The following RNF157 variants were observed in gnomAD, a reference collection of about 807,000 sequenced individuals.
RNF157 encodes E3 ubiquitin ligase RNF157.
RNF157 carries 55 observed loss-of-function variants against 88.3 expected under a neutral mutation model. That is an observed-to-expected ratio of 0.62 (90% CI 0.50 to 0.78). The LOEUF is 0.78. Among genes scored for constraint, RNF157 ranks in the 30% least tolerant of loss-of-function variants. RNF157 has a pLI of 0.00. For missense variants in RNF157, 788 were observed against 860.8 expected (o/e 0.92, Z 1.06); for synonymous variants, 334 against 341.2 (o/e 0.98, Z 0.23).
chr17:76,164,750 C>T lies in RNF157; in HGVS notation c.718G>A (p.Val240Ile), dbSNP rs2068896553. The stretch of plus-strand genomic sequence containing the variant: ...GTCTGTGGTCTTCAAATACTTACTA[C>T]TTGTTTCTGTTTGAGGGGCTTGACA... ...FCVKPLKQKQ[V>I]VDGVSYLLQE... The change falls in exon 8 of 19, where the codon GTA becomes ATA. Residue 240 changes from valine to isoleucine, a missense_variant and splice_region_variant. By Grantham distance (29) the Val-to-Ile change is conservative. Transcript: ENST00000269391. 2 of 1,603,466 alleles carry T rather than the reference C, an allele frequency of 1.2e-6. No individual in the cohort carries two copies. Among genetic ancestry groups the T allele is most frequent in the Non-Finnish European group, 1.7e-6 (2 of 1,170,678 alleles).
intron 1 of RNF157, among the ~76,000 whole-genome samples, chr17:76,217,700 C>T (rs528281978): frequency 3.3e-5 from 5 of 152,306 alleles, no homozygotes; most frequent in South Asian, 2.1e-4. Flanking sequence ...AGGAGAAACA[C>T]GTCACTCACA....
intron 16 of RNF157, chr17:76,154,729 A>C (rs1027492617): frequency 1.3e-5 from 3 of 225,624 alleles, no homozygotes; most frequent in East Asian, 1.2e-4. Context: ...GAGTTGGCTC[A>C]AGAAGAGTTC....
rs562783779 is a variant in RNF157 at position 76,227,333 on chromosome 17, C to A, written c.88+12820G>T. Among the ~76,000 whole-genome samples, 7 of 151,480 alleles carry A rather than the reference C, an allele frequency of 4.6e-5. No individual in the cohort carries two copies. The East Asian group carries it at 1.4e-3, about 30-fold the overall frequency. ...ACAGGGTTTTACCATGTTGGCCAGGCTGGTCTTGAACTCCTGACCTCAGGT... is the reference window on the plus strand; with the variant it reads ...ACAGGGTTTTACCATGTTGGCCAGGATGGTCTTGAACTCCTGACCTCAGGT... On this transcript the variant is annotated intron_variant, in intron 1 of 18. Transcript: ENST00000269391.
Position 76,167,784 on chromosome 17 carries a change from C to T in RNF157, c.310G>A (p.Val104Met), listed in dbSNP as rs773387468. ...TLRLVKCAEE[V>M]KSPGEEASKA... ...CTGGCCTCTTCTCCAGGGCTCTTCACTTCCTCAGCACATCTAGAAAACCAG... is the reference window on the plus strand; with the variant it reads ...CTGGCCTCTTCTCCAGGGCTCTTCATTTCCTCAGCACATCTAGAAAACCAG... Residue 104 changes from valine (V) to methionine (M), a missense_variant, in exon 4 of 19, where the codon GTG (valine) becomes ATG (methionine). Coordinates refer to ENST00000269391, the MANE Select transcript of RNF157 (RefSeq NM_052916.3). 6 of 1,613,926 alleles carry T rather than the reference C, an allele frequency of 3.7e-6. No homozygotes were observed. In the Admixed American group the frequency reaches 6.7e-5, roughly 18 times the overall value.
intron 2 of RNF157, among the ~76,000 whole-genome samples, chr17:76,192,359 C>A (rs1463745079): frequency 6.6e-6 from 1 of 152,172 alleles, no homozygotes; most frequent in African/African-American, 2.4e-5. Flanking sequence ...TCATTTTTCA[C>A]TCCCTGCTCT....
At chr17:76,209,764 G>A (rs1568065051) in intron 2 of RNF157, among the ~76,000 whole-genome samples, 1 of 152,016 alleles carries the variant, frequency 6.6e-6, no homozygotes, top group Non-Finnish European at 1.5e-5. Context: ...TTTCATTTTT[G>A]TTTTTGTTTT....
Position 76,145,133 on chromosome 17 carries a change from A to G in RNF157, c.*102T>C. 1.4e-6 allele frequency: 1 copy of G among 720,994 alleles called. No homozygotes were observed. Among genetic ancestry groups the G allele is most frequent in the Admixed American group, 2.6e-5 (1 of 38,028 alleles). 44.7% of individuals were successfully genotyped at this position (720,994 alleles called of 1,614,324 possible). On this transcript the variant is annotated 3_prime_UTR_variant, in exon 19 of 19. Coordinates refer to ENST00000269391, the MANE Select transcript of RNF157 (RefSeq NM_052916.3). ...TTGTAACAGCTGTCACAGGAGGGTA[A>G]AAAGTCTCCAGCATCTTGCTGAGGA...
intron 2 of RNF157, among the ~76,000 whole-genome samples, chr17:76,193,908 C>T (rs1197348389): frequency 6.6e-6 from 1 of 152,334 alleles, no homozygotes; most frequent in East Asian, 1.9e-4. Context: ...CTCCCACCTC[C>T]ACATCCACAG....
chr17:76,156,678 G>T (rs993820682), intron 13 of RNF157, among the ~76,000 whole-genome samples: 1 of 152,212 alleles, frequency 6.6e-6, no homozygotes, highest in African/African-American at 2.4e-5. Context: ...TGCGGCAAAA[G>T]CATACAAAGC....
rs1231010036 is a variant in RNF157, at chr17:76,142,959, A to G, written c.*2276T>C. On this transcript the variant is annotated 3_prime_UTR_variant, in exon 19 of 19. Transcript: ENST00000269391. Reference sequence around the variant, plus strand: ...AGGCCCCACCTCTTCTCTTTGGGTGAACTGTTGACGTGACTATGTGACTGT... The same window carrying G: ...AGGCCCCACCTCTTCTCTTTGGGTGGACTGTTGACGTGACTATGTGACTGT... The G allele has an allele frequency of 6.6e-6, 1 of 152,338 alleles. No homozygotes were observed. The highest frequency in any genetic ancestry group is 1.5e-5 in the Non-Finnish European group (1 of 68,168). The allele number at this position is 152,338 out of a possible 1,614,324, so 9.4% of individuals were successfully genotyped here.
intron 17 of RNF157, chr17:76,153,208 G>A (rs2068708883): frequency 6.6e-6 from 1 of 152,260 alleles, no homozygotes; most frequent in Non-Finnish European, 1.5e-5. Flanking sequence ...CTTCTTAGAA[G>A]CAAATATTCT....
chr17:76,168,215 G>A (rs1165997623), intron 3 of RNF157, among the ~76,000 whole-genome samples: 10 of 151,956 alleles, frequency 6.6e-5, no homozygotes, highest in Non-Finnish European at 8.8e-5. Context: ...AGTTTCAGGC[G>A]CTATCTATGG....
chr17:76,198,977 T>C (rs2069524831), intron 2 of RNF157, among the ~76,000 whole-genome samples: 1 of 152,220 alleles, frequency 6.6e-6, no homozygotes, highest in African/African-American at 2.4e-5. Context: ...GACGTGTTCA[T>C]GTTTCCTAGC....
chr17:76,204,746 C>T (rs1598428331), intron 2 of RNF157, among the ~76,000 whole-genome samples: 2 of 151,720 alleles, frequency 1.3e-5, no homozygotes, highest in South Asian at 2.1e-4. Flanking sequence ...AAGAAAAGTA[C>T]ACTGTATGCA....
At chr17:76,190,907 C>CAA (rs984043881) in intron 2 of RNF157, among the ~76,000 whole-genome samples, 2 of 106,248 alleles carry the variant, frequency 1.9e-5, no homozygotes, top group Non-Finnish European at 1.9e-5. Context: ...GACTCTGTCT[C>CAA]AAAAAAAAAA....
At chr17:76,167,208 C>T (rs1020085334) in intron 4 of RNF157, 82 bp from the exon 5 acceptor site, 6 of 962,934 alleles carry the variant, frequency 6.2e-6, no homozygotes, top group Admixed American at 2.0e-5. Context: ...CATGCCTGTT[C>T]TCAATTATCA....
Position 76,240,311 on chromosome 17 carries a change from C to T in RNF157, c.-71G>A, listed in dbSNP as rs2070358627. 1.3e-6 allele frequency: 1 copy of T among 758,200 alleles called. No individual in the cohort carries two copies. The highest frequency in any genetic ancestry group is 1.6e-6 in the Non-Finnish European group (1 of 625,154). 47.0% of individuals were successfully genotyped at this position (758,200 alleles called of 1,614,324 possible). On this transcript the variant is annotated 5_prime_UTR_variant, in exon 1 of 19. Coordinates refer to ENST00000269391, the MANE Select transcript of RNF157 (RefSeq NM_052916.3). This position sits in a 1 kb window ranked among gnomAD's most constrained non-coding sequence, Gnocchi z 4.4. ...CCCTCCGCGCTTCACCGCGGCCGCC[C>T]GCCCCGCGCCCGGTGCGGGGGCCGA...
chr17:76,165,984 C>T (rs1191071032), intron 6 of RNF157, among the ~76,000 whole-genome samples: 1 of 150,718 alleles, frequency 6.6e-6, no homozygotes, highest in Non-Finnish European at 1.5e-5. Context: ...AGCTAAACCA[C>T]ATTTTTTTGA....
At chr17:76,212,789 G>C (rs1350394298) in intron 1 of RNF157, among the ~76,000 whole-genome samples, 1 of 152,010 alleles carries the variant, frequency 6.6e-6, no homozygotes, top group Non-Finnish European at 1.5e-5. Flanking sequence ...TTGAACCCAG[G>C]AAACAGAAGT....
Sources: allele counts gnomAD v4.1 joint callset (sites outside exome capture counted in the v4.1 genomes callset), GRCh38; gene constraint gnomAD v4.1.1; non-coding constraint Gnocchi (gnomAD v3.1); transcripts MANE v1.5; gene names NCBI Gene and HGNC (gene_info 2026-07-23, HGNC 2026-07-21).